Variants in NRG1 observed in about 807,000 individuals in gnomAD.
NRG1 encodes neuregulin 1.
NRG1 carries 18 observed loss-of-function variants against 63.8 expected under a neutral mutation model. That is an observed-to-expected ratio of 0.28 (90% CI 0.19 to 0.42). The LOEUF is 0.42. NRG1 is among the 10% of genes least tolerant of loss of function. NRG1 has a pLI of 1.00. For missense variants in NRG1, 762 were observed against 814.7 expected, an observed-to-expected ratio of 0.94 and a Z score of 0.79; for synonymous variants, 302 against 301.3, an observed-to-expected ratio of 1.00 and a Z score of -0.02.
At chr8:31,850,577 T>G (rs1332213405) in intron 1 of NRG1, among the ~76,000 whole-genome samples, 3 of 152,200 alleles carry the variant, frequency 2.0e-5, no homozygotes, top group Non-Finnish European at 4.4e-5. Context: ...CTGATCCCTT[T>G]TTCTTGCCTG....
At chr8:32,219,372 TAA>T (rs1845575406) in intron 1 of NRG1, among the ~76,000 whole-genome samples, 2 of 152,278 alleles carry the variant, frequency 1.3e-5, no homozygotes, top group South Asian at 4.2e-4. Context: ...GTTTCAGGAG[TAA>T]AGAGGCTGCT....
intron 1 of NRG1, among the ~76,000 whole-genome samples, chr8:32,368,169 G>GA (rs1808335782): frequency 6.6e-6 from 1 of 152,118 alleles, no homozygotes; most frequent in Non-Finnish European, 1.5e-5. Context: ...TACTTCCAAA[G>GA]AAAAAAGTGC....
chr8:32,019,241 G>A (rs1470097769), intron 1 of NRG1, among the ~76,000 whole-genome samples: 1 of 152,132 alleles, frequency 6.6e-6, no homozygotes, highest in Non-Finnish European at 1.5e-5. Context: ...TGGGACTACA[G>A]GTGCCTGCCA....
rs578021348 is a variant in NRG1 at position 32,756,601 on chromosome 8, G to A, written c.921+72G>A. Reference sequence around the variant, plus strand: ...TTCAGACGCCTTGAAGTTTATTTTCGAAAGCTCTTAAGCTTTTAGCTGCTG... The same window carrying A: ...TTCAGACGCCTTGAAGTTTATTTTCAAAAGCTCTTAAGCTTTTAGCTGCTG... On this transcript the variant is annotated intron_variant, in intron 9 of 11. Coordinates refer to ENST00000356819, the Ensembl canonical transcript of NRG1. 2.7e-5 allele frequency: 41 copies of A among 1,511,006 alleles called. No individual in the cohort carries two copies. The East Asian group carries it at 3.1e-4, about 11-fold the overall frequency. The allele number at this position is 1,511,006 out of a possible 1,614,324, so 93.6% of individuals were successfully genotyped here.
chr8:31,752,323 T>G (rs1586151967), intron 1 of NRG1, among the ~76,000 whole-genome samples: 1 of 152,142 alleles, frequency 6.6e-6, no homozygotes, highest in East Asian at 1.9e-4. Flanking sequence ...GTGGGCAAGA[T>G]GATTAGATTT....
chr8:31,815,300 T>C (rs780369541), intron 1 of NRG1, among the ~76,000 whole-genome samples: 2 of 152,150 alleles, frequency 1.3e-5, no homozygotes, highest in Non-Finnish European at 2.9e-5. Context: ...GTTTTTATGA[T>C]TTTGGCTATT....
At chr8:31,776,202 G>A (rs1819119571) in intron 1 of NRG1, among the ~76,000 whole-genome samples, 1 of 152,156 alleles carries the variant, frequency 6.6e-6, no homozygotes, top group African/African-American at 2.4e-5. Context: ...GAGGGTTGTA[G>A]GCCATGAAAG....
intron 1 of NRG1, among the ~76,000 whole-genome samples, chr8:31,822,708 T>A (rs1393618551): frequency 6.6e-6 from 1 of 152,204 alleles, no homozygotes; most frequent in Non-Finnish European, 1.5e-5. Context: ...TTTTTTGAAT[T>A]CTTGTTTCTA....
At chr8:32,132,011 G>C (rs1264965224) in intron 1 of NRG1, among the ~76,000 whole-genome samples, 5 of 152,000 alleles carry the variant, frequency 3.3e-5, no homozygotes, top group African/African-American at 9.7e-5. Context: ...ATGTGTATAA[G>C]ATTCAAATTA....
chr8:32,560,424 A>G (rs1476399804), intron 1 of NRG1, among the ~76,000 whole-genome samples: 1 of 152,228 alleles, frequency 6.6e-6, no homozygotes, highest in African/African-American at 2.4e-5. Context: ...TTATGTTGTC[A>G]TATCACCAGG....
chr8:32,004,392 A>T (rs1442917700), intron 1 of NRG1, among the ~76,000 whole-genome samples: 1 of 151,798 alleles, frequency 6.6e-6, no homozygotes, highest in African/African-American at 2.4e-5. Flanking sequence ...AATCTAATGT[A>T]AACTATGACC....
chr8:32,402,279 C>G (rs1003865890), intron 1 of NRG1, among the ~76,000 whole-genome samples: 1 of 152,132 alleles, frequency 6.6e-6, no homozygotes, highest in Non-Finnish European at 1.5e-5. Flanking sequence ...ATCTAACACA[C>G]CCTGTCACTC....
At chr8:31,740,370 T>C (rs1815139278) in intron 1 of NRG1, among the ~76,000 whole-genome samples, 1 of 152,088 alleles carries the variant, frequency 6.6e-6, no homozygotes, top group Admixed American at 6.6e-5. Context: ...TTTTATTTTC[T>C]AAAGGGATTC....
intron 1 of NRG1, among the ~76,000 whole-genome samples, chr8:31,918,118 T>G (rs1246055988): frequency 6.6e-6 from 1 of 152,162 alleles, no homozygotes; most frequent in Non-Finnish European, 1.5e-5. Flanking sequence ...ACAGTGGGGT[T>G]TTCTAGATAT....
chr8:32,635,211 T>C (rs181292065), intron 5 of NRG1, among the ~76,000 whole-genome samples: 31 of 152,334 alleles, frequency 2.0e-4, no homozygotes, highest in Non-Finnish European at 3.1e-4. Context: ...TCTTACCAAA[T>C]CTACAAACCC....
intron 1 of NRG1, among the ~76,000 whole-genome samples, chr8:32,101,725 A>C (rs894308899): frequency 5.3e-5 from 8 of 152,164 alleles, no homozygotes; most frequent in Non-Finnish European, 1.2e-4. Flanking sequence ...TGGAAGGTAA[A>C]TTATAACAAA....
At chr8:31,901,963 T>G (rs980718215) in intron 1 of NRG1, among the ~76,000 whole-genome samples, 1 of 152,178 alleles carries the variant, frequency 6.6e-6, no homozygotes, top group Admixed American at 6.5e-5. Context: ...TCCATTCAAC[T>G]TCGTGTAAAG....
At chr8:32,457,576 C>T (rs1409248870) in intron 1 of NRG1, among the ~76,000 whole-genome samples, 1 of 152,132 alleles carries the variant, frequency 6.6e-6, no homozygotes, top group Non-Finnish European at 1.5e-5. Flanking sequence ...TTCCTCTTAG[C>T]AATAACCAGC....
intron 1 of NRG1, among the ~76,000 whole-genome samples, chr8:31,959,801 A>AT (rs1563619657): frequency 1.8e-5 from 2 of 109,476 alleles, no homozygotes; most frequent in African/African-American, 5.8e-5. Context: ...TTTATTATTT[A>AT]TTTATTTATT....
Sources: allele counts gnomAD v4.1 joint callset (sites outside exome capture counted in the v4.1 genomes callset), GRCh38; gene constraint gnomAD v4.1.1; transcripts MANE v1.5; gene names NCBI Gene and HGNC (gene_info 2026-07-23, HGNC 2026-07-21).